Variants in THSD7B observed in about 807,000 individuals in gnomAD.
The protein encoded by THSD7B is thrombospondin type-1 domain-containing protein 7B.
A neutral mutation model predicts 213.6 loss-of-function variants in THSD7B; 138 were observed. That is an observed-to-expected ratio of 0.65 (90% CI 0.56 to 0.74). The LOEUF (loss-of-function observed/expected upper bound fraction) is 0.74. Ranked by LOEUF, THSD7B falls within the 30% of genes least tolerant of loss-of-function variation. THSD7B has a pLI of 0.00. For synonymous variants in THSD7B, 742 were observed against 687.0 expected (o/e 1.08, Z -1.25); for missense variants, 1,931 against 1,991.5 (o/e 0.97, Z 0.58).
intron 17 of THSD7B, among the ~76,000 whole-genome samples, chr2:137,585,111 C>A (rs1408942016): frequency 6.6e-6 from 1 of 152,118 alleles, no homozygotes; most frequent in Non-Finnish European, 1.5e-5. Context: ...TCTAGATTTT[C>A]TAGTTTATTT....
intron 12 of THSD7B, among the ~76,000 whole-genome samples, chr2:137,358,026 C>CT (rs928142537): frequency 1.3e-5 from 2 of 152,182 alleles, no homozygotes; most frequent in African/African-American, 4.8e-5. Context: ...AACACTTTCC[C>CT]TTTTTTATGG....
intron 14 of THSD7B, among the ~76,000 whole-genome samples, chr2:137,434,355 A>C (rs78988419): frequency 4.6e-5 from 7 of 152,310 alleles, no homozygotes; most frequent in Non-Finnish European, 8.8e-5. Context: ...CCATTTGGAC[A>C]CCTGATGCCC....
At chr2:137,574,961 T>C (rs948036520) in intron 17 of THSD7B, among the ~76,000 whole-genome samples, 1 of 152,134 alleles carries the variant, frequency 6.6e-6, no homozygotes, top group Admixed American at 6.6e-5. Flanking sequence ...TCTTTAATAT[T>C]TGCCATTATT....
At chr2:137,278,753 A>G (rs78882071) in intron 12 of THSD7B, among the ~76,000 whole-genome samples, 4,096 of 152,116 alleles carry the variant, frequency 0.027, 106 homozygotes, top group Middle Eastern at 0.099. Context: ...AGAATAGAGG[A>G]CCTGTCAGGT....
intron 1 of THSD7B, among the ~76,000 whole-genome samples, chr2:136,796,168 A>G (rs1403824961): frequency 6.6e-6 from 1 of 151,250 alleles, no homozygotes; most frequent in Non-Finnish European, 1.5e-5. Context: ...TTTCCGTAGG[A>G]CCTCTACAGG....
intron 5 of THSD7B, among the ~76,000 whole-genome samples, chr2:137,142,514 A>G (rs150999305): frequency 4.2e-4 from 64 of 152,310 alleles, no homozygotes; most frequent in African/African-American, 1.5e-3. Flanking sequence ...ACTTTGAGAA[A>G]TTAAAGATGA....
At chr2:137,006,791 C>T (rs1386096491) in intron 2 of THSD7B, among the ~76,000 whole-genome samples, 1 of 152,174 alleles carries the variant, frequency 6.6e-6, no homozygotes, top group Admixed American at 6.5e-5. Flanking sequence ...GCCCTCCATA[C>T]TAAGGGGCAC....
chr2:137,090,094 A>T (rs1290255771), intron 3 of THSD7B, among the ~76,000 whole-genome samples: 2 of 152,012 alleles, frequency 1.3e-5, no homozygotes. Flanking sequence ...AAAATAAAAA[A>T]ATTAAAAAAA....
chr2:137,610,413 G>A (rs1390112846), intron 17 of THSD7B, among the ~76,000 whole-genome samples: 5 of 152,106 alleles, frequency 3.3e-5, no homozygotes, highest in South Asian at 2.1e-4. Flanking sequence ...TAGCAGGGGC[G>A]AGTTGAAATA....
intron 10 of THSD7B, among the ~76,000 whole-genome samples, chr2:137,247,773 C>G (rs1192467818): frequency 2.0e-5 from 3 of 152,098 alleles, no homozygotes. Flanking sequence ...GTATCAAAAA[C>G]AGACAGTGAT....
At chr2:137,308,045 C>T (rs1055913049) in intron 12 of THSD7B, among the ~76,000 whole-genome samples, 4 of 152,016 alleles carry the variant, frequency 2.6e-5, no homozygotes, top group Non-Finnish European at 4.4e-5. Flanking sequence ...GCTCTTATCT[C>T]ATTACATCTG....
At chr2:137,516,486 G>C (rs6430726) in intron 15 of THSD7B, among the ~76,000 whole-genome samples, 29,498 of 152,076 alleles carry the variant, frequency 0.19, 2,999 homozygotes, top group South Asian at 0.28. Flanking sequence ...ACTGCACTGG[G>C]GAAAGGAAAA....
chr2:136,837,726 CAAT>C (rs760452766), intron 1 of THSD7B, among the ~76,000 whole-genome samples: 21 of 152,190 alleles, frequency 1.4e-4, no homozygotes, highest in Non-Finnish European at 2.8e-4. Flanking sequence ...ATGAATGACT[CAAT>C]GATGGAATTA....
chr2:136,981,415 T>C (rs1365900586), intron 2 of THSD7B, among the ~76,000 whole-genome samples: 1 of 152,218 alleles, frequency 6.6e-6, no homozygotes. Context: ...CTATCTACCT[T>C]AGGTATTTGG....
chr2:137,371,921 C>T (rs1685541584), intron 12 of THSD7B, among the ~76,000 whole-genome samples: 1 of 151,982 alleles, frequency 6.6e-6, no homozygotes, highest in African/African-American at 2.4e-5. Context: ...GTTTTCTTCC[C>T]CTTATCATGT....
chr2:136,937,339 C>G (rs538178357), intron 2 of THSD7B, among the ~76,000 whole-genome samples: 2 of 151,862 alleles, frequency 1.3e-5, no homozygotes, highest in Non-Finnish European at 2.9e-5. Context: ...CCCCGCCACC[C>G]GCTGTTCTAC....
chr2:136,926,465 G>A (rs923387019), intron 2 of THSD7B, among the ~76,000 whole-genome samples: 2 of 152,074 alleles, frequency 1.3e-5, no homozygotes, highest in African/African-American at 4.8e-5. Flanking sequence ...GGATGAGGCA[G>A]GCAAATTACT....
At chr2:137,308,556 A>G (rs962810864) in intron 12 of THSD7B, among the ~76,000 whole-genome samples, 2 of 152,076 alleles carry the variant, frequency 1.3e-5, no homozygotes, top group Admixed American at 1.3e-4. Flanking sequence ...ATACTTGTCA[A>G]GTTATAGGTA....
chr2:137,302,674 G>C (rs998046726), intron 12 of THSD7B, among the ~76,000 whole-genome samples: 1 of 152,038 alleles, frequency 6.6e-6, no homozygotes, highest in Non-Finnish European at 1.5e-5. Flanking sequence ...TTGCTCTTTT[G>C]TTTTGTTTCT....
Sources: allele counts gnomAD v4.1 joint callset (sites outside exome capture counted in the v4.1 genomes callset), GRCh38; gene constraint gnomAD v4.1.1; transcripts MANE v1.5; gene names NCBI Gene and HGNC (gene_info 2026-07-23, HGNC 2026-07-21).